The following SPRED1 variants were observed in gnomAD, a reference collection of about 807,000 sequenced individuals.
SPRED1 encodes the protein sprouty-related, EVH1 domain-containing protein 1.
In SPRED1, 18 loss-of-function variants were observed where a neutral mutation model predicts 52.3. The ratio of observed to expected loss-of-function variants is 0.34; its 90% CI spans 0.24 to 0.51. SPRED1 has a LOEUF of 0.51. Ranked by LOEUF, SPRED1 falls within the 20% of genes least tolerant of loss-of-function variation. The probability of loss-of-function intolerance (pLI) is 0.97; values close to 1 mark genes in which losing one functional copy is unlikely to be tolerated. For synonymous variants in SPRED1, 155 were observed against 179.7 expected (o/e 0.86, Z 1.10); for missense variants, 485 against 551.0 (o/e 0.88, Z 1.20).
chr15:38,261,319 T>C (rs1894199942), intron 1 of SPRED1, among the ~76,000 whole-genome samples: 1 of 152,184 alleles, frequency 6.6e-6, no homozygotes, highest in African/African-American at 2.4e-5. Context: ...TCATAACTGA[T>C]TTTTTTGTAC....
At chr15:38,319,722 G>A (rs1016907368) in intron 2 of SPRED1, among the ~76,000 whole-genome samples, 1 of 152,186 alleles carries the variant, frequency 6.6e-6, no homozygotes, top group African/African-American at 2.4e-5. Context: ...AGTATAGGAA[G>A]CAAAAGTCTT....
At chr15:38,284,660 G>A (rs537046435) in intron 1 of SPRED1, among the ~76,000 whole-genome samples, 104 of 152,214 alleles carry the variant, frequency 6.8e-4, no homozygotes, top group African/African-American at 2.4e-3. Context: ...TTAGTGTAAT[G>A]TAGAGATTCA....
At chr15:38,280,681 A>G (rs1035928696) in intron 1 of SPRED1, among the ~76,000 whole-genome samples, 2 of 152,228 alleles carry the variant, frequency 1.3e-5, no homozygotes, top group Admixed American at 6.5e-5. Flanking sequence ...TATGTGGATC[A>G]GCAAACTGTT....
intron 1 of SPRED1, among the ~76,000 whole-genome samples, chr15:38,284,265 A>G (rs1894755454): frequency 1.3e-5 from 2 of 152,126 alleles, no homozygotes; most frequent in South Asian, 4.1e-4. Context: ...GGCAGTTTCA[A>G]AGGTTTTTAT....
chr15:38,256,820 C>T (rs1894108258), intron 1 of SPRED1, among the ~76,000 whole-genome samples: 1 of 143,232 alleles, frequency 7.0e-6, no homozygotes, highest in South Asian at 2.2e-4. Flanking sequence ...TACACACACA[C>T]ACATATATAT....
chr15:38,264,499 G>A (rs909054746), intron 1 of SPRED1, among the ~76,000 whole-genome samples: 59 of 152,194 alleles, frequency 3.9e-4, no homozygotes, highest in Admixed American at 3.1e-3. Context: ...GTGATGACAT[G>A]TGAGGGAAGA....
chr15:38,326,880 G>A (rs1267636228), intron 4 of SPRED1, among the ~76,000 whole-genome samples: 1 of 152,150 alleles, frequency 6.6e-6, no homozygotes, highest in Non-Finnish European at 1.5e-5. Flanking sequence ...CACGAGTTAT[G>A]AAAAATTATT....
chr15:38,292,014 T>C (rs533110078), intron 1 of SPRED1, among the ~76,000 whole-genome samples: 1 of 152,368 alleles, frequency 6.6e-6, no homozygotes, highest in African/African-American at 2.4e-5. Flanking sequence ...ACTTTAATAC[T>C]GTTTCCCTTT....
At chr15:38,305,970 C>T (rs1160323266) in intron 2 of SPRED1, among the ~76,000 whole-genome samples, 4 of 152,034 alleles carry the variant, frequency 2.6e-5, no homozygotes, top group African/African-American at 9.7e-5. Context: ...TCATATCTTT[C>T]CTGCAAATAA....
chr15:38,351,909 C>G lies in SPRED1; in HGVS notation c.*245C>G. ...AAGGAAACCATTTCTGGTTATTTGG[C>G]TATAAAAAGTCAGCATAAAATATGA... On this transcript the variant is annotated 3_prime_UTR_variant, in exon 7 of 7. Transcript: ENST00000299084. 1.7e-6 allele frequency: 1 copy of G among 577,106 alleles called. No homozygotes were observed. Among genetic ancestry groups the G allele is most frequent in the South Asian group, 2.1e-5 (1 of 47,748 alleles). The allele number at this position is 577,106 out of a possible 1,614,324, so 35.7% of individuals were successfully genotyped here.
At chr15:38,309,518 A>G (rs528504939) in intron 2 of SPRED1, among the ~76,000 whole-genome samples, 1 of 152,332 alleles carries the variant, frequency 6.6e-6, no homozygotes, top group East Asian at 1.9e-4. Context: ...ACGTGGTTTG[A>G]AAATGTTCTC....
At chr15:38,257,698 T>A (rs923259358) in intron 1 of SPRED1, among the ~76,000 whole-genome samples, 1 of 152,204 alleles carries the variant, frequency 6.6e-6, no homozygotes, top group Non-Finnish European at 1.5e-5. Flanking sequence ...TTTAGGAATA[T>A]GTATCTCCAG....
At chr15:38,276,997 T>G (rs1894569432) in intron 1 of SPRED1, among the ~76,000 whole-genome samples, 1 of 152,196 alleles carries the variant, frequency 6.6e-6, no homozygotes, top group Non-Finnish European at 1.5e-5. Flanking sequence ...GGTGTGCATT[T>G]CTTTTCTGGG....
rs1566878426 is a variant in SPRED1, at chr15:38,355,021, T to C, written c.*3357T>C. The C allele has an allele frequency of 6.6e-6, 1 of 152,496 alleles. No individual in the cohort carries two copies. Among genetic ancestry groups the C allele is most frequent in the African/African-American group, 2.4e-5 (1 of 41,458 alleles). 9.4% of individuals were successfully genotyped at this position (152,496 alleles called of 1,614,324 possible). A position where few individuals can be genotyped will look rare whatever the true frequency, so the allele number is the denominator to read the frequency against. On this transcript the variant is annotated 3_prime_UTR_variant, in exon 7 of 7. Transcript: ENST00000299084. ...CCCAGGCTGGAGTGCAATGGTGCGA[T>C]CTCAGCTCACTGCAACCTCCGCCTC... is the stretch of plus-strand genomic sequence containing the variant.
At chr15:38,350,656 G>C (rs1319584758) in intron 6 of SPRED1, among the ~76,000 whole-genome samples, 1 of 152,122 alleles carries the variant, frequency 6.6e-6, no homozygotes. Context: ...TGGGTAAGTG[G>C]CTCATGCAAT....
Position 38,270,052 on chromosome 15 carries a change from C to T in SPRED1, c.32+16835C>T, listed in dbSNP as rs183666338. ...CCTCCCGAGTAGCTGGGATTAAAGA[C>T]GTGTGCCACCATGCCCGGCTAATTT... On this transcript the variant is annotated intron_variant, in intron 1 of 6. Coordinates refer to ENST00000299084, the MANE Select transcript of SPRED1 (RefSeq NM_152594.3). 2.2e-4 allele frequency among the ~76,000 whole-genome samples: 34 copies of T among 151,780 alleles called. No homozygotes were observed. In the East Asian group the frequency reaches 5.1e-3, roughly 23 times the overall value.
At chr15:38,290,441 A>G (rs543471799) in intron 1 of SPRED1, among the ~76,000 whole-genome samples, 22 of 152,300 alleles carry the variant, frequency 1.4e-4, no homozygotes, top group African/African-American at 4.3e-4. Context: ...TCATATTTTA[A>G]TTTTATTTCT....
At chr15:38,309,615 A>G (rs1027418597) in intron 2 of SPRED1, among the ~76,000 whole-genome samples, 4 of 152,024 alleles carry the variant, frequency 2.6e-5, no homozygotes, top group Non-Finnish European at 4.4e-5. Context: ...CCATCTATCA[A>G]GTTTTTCTTT....
chr15:38,333,544 T>C (rs1342038074), intron 4 of SPRED1, among the ~76,000 whole-genome samples: 30 of 152,152 alleles, frequency 2.0e-4, no homozygotes, highest in Admixed American at 1.9e-3. Context: ...AGCCACTATA[T>C]AATTTTTAAT....
Sources: gnomAD v4.1 joint callset for allele counts (sites outside exome capture counted in the v4.1 genomes callset) on GRCh38, gnomAD v4.1.1 for gene constraint, MANE v1.5 for transcripts, NCBI Gene and HGNC (gene_info 2026-07-23, HGNC 2026-07-21) for gene names.